The following KCNT1 variants were observed in gnomAD, a reference collection of about 807,000 sequenced individuals.
The protein encoded by KCNT1 is potassium channel subfamily T member 1.
A neutral mutation model predicts 147.8 loss-of-function variants in KCNT1; 78 were observed. That is an observed-to-expected ratio of 0.53 (90% CI 0.44 to 0.64). The LOEUF (loss-of-function observed/expected upper bound fraction) is 0.64. KCNT1 is among the 30% of genes least tolerant of loss of function. KCNT1 has a pLI of 0.00. For missense variants in KCNT1, 1,419 were observed against 1,750.3 expected, an observed-to-expected ratio of 0.81 and a Z score of 3.38; for synonymous variants, 867 against 748.8, an observed-to-expected ratio of 1.16 and a Z score of -2.58.
At chr9:135,738,806 G>A (rs1564333755) in intron 2 of KCNT1, among the ~76,000 whole-genome samples, 1 of 152,142 alleles carries the variant, frequency 6.6e-6, no homozygotes, top group Non-Finnish European at 1.5e-5. Flanking sequence ...CCCTGACCCT[G>A]AGCTCCGGGG....
intron 11 of KCNT1, 48 bp downstream of exon 11, chr9:135,759,907 G>A (rs751707855): frequency 2.6e-6 from 4 of 1,523,610 alleles, no homozygotes; most frequent in Non-Finnish European, 3.5e-6. Context: ...AAAGGGACAG[G>A]CGGGTGCCAG....
At chr9:135,778,523 G>A (rs755105369) in intron 22 of KCNT1, 28 bp downstream of exon 22, 2 of 1,600,336 alleles carry the variant, frequency 1.2e-6, no homozygotes, top group Non-Finnish European at 1.7e-6. Flanking sequence ...GAGGCTCGTG[G>A]GGGCTCCACA....
rs1471974281 is a variant in KCNT1 at position 135,732,036 on chromosome 9, A to AGAGAGAGGGAGAGAGAGAGG, written c.254+17321_254+17322insAGGGAGAGAGAGAGGGAGAG. ...GAGAGAGAGAGAGAGAGAGAGAGAGAGAGAGGGAGTCTCACTCTGTCATCC... is the reference window on the plus strand; with the variant it reads ...GAGAGAGAGAGAGAGAGAGAGAGAGAGAGAGAGGGAGAGAGAGAGGGAGAGGGAGTCTCACTCTGTCATCC... On this transcript the variant is annotated intron_variant, in intron 2 of 30. Coordinates refer to ENST00000371757, the MANE Select transcript of KCNT1 (RefSeq NM_020822.3). Among the ~76,000 whole-genome samples the AGAGAGAGGGAGAGAGAGAGG allele has an allele frequency of 2.1e-4, 29 of 137,294 alleles. 1 individual carries two copies. The highest frequency in any genetic ancestry group is 7.5e-4 in the South Asian group (3 of 4,026). 90.1% of individuals were successfully genotyped at this position (137,294 alleles called of 152,430 possible). A position where few individuals can be genotyped will look rare whatever the true frequency, so the allele number is the denominator to read the frequency against.
At chr9:135,759,419 G>A (rs1047223349) in intron 10 of KCNT1, among the ~76,000 whole-genome samples, 55 of 152,336 alleles carry the variant, frequency 3.6e-4, no homozygotes, top group African/African-American at 1.3e-3. Flanking sequence ...GGAATTCGCC[G>A]TGAACAGAGG....
At chr9:135,786,086 G>A (rs1332569231) in intron 28 of KCNT1, 111 bp from the exon 29 acceptor site, 29 of 945,524 alleles carry the variant, frequency 3.1e-5, no homozygotes, top group Admixed American at 2.0e-4. Flanking sequence ...CTGCTCCCAC[G>A]CAGGCCCCAA....
At chr9:135,715,090 A>C (rs1835670311) in intron 2 of KCNT1, among the ~76,000 whole-genome samples, 2 of 152,194 alleles carry the variant, frequency 1.3e-5, no homozygotes, top group African/African-American at 4.8e-5. Context: ...CGGAGCCCGC[A>C]GCCTGGCTGA....
chr9:135,789,647 CA>C (rs1361100647), intron 29 of KCNT1: 1 of 152,180 alleles, frequency 6.6e-6, no homozygotes, highest in African/African-American at 2.4e-5. Context: ...TGCCAAGAGC[CA>C]GGAGGTCTGG....
At chr9:135,750,560 C>T (rs556703639) in intron 3 of KCNT1, 18 of 444,674 alleles carry the variant, frequency 4.0e-5, no homozygotes, top group Non-Finnish European at 6.2e-5. Flanking sequence ...CTCCCTGCCC[C>T]GTTCCCAGCC....
intron 1 of KCNT1, among the ~76,000 whole-genome samples, chr9:135,706,657 C>T (rs1315438097): frequency 6.6e-6 from 1 of 152,216 alleles, no homozygotes; most frequent in African/African-American, 2.4e-5. Context: ...CTGTGACTCC[C>T]TCCAGGGGCC....
chr9:135,770,094 G>A (rs751167625), intron 16 of KCNT1, 39 bp downstream of exon 16: 39 of 1,512,964 alleles, frequency 2.6e-5, no homozygotes, highest in South Asian at 1.2e-4. Flanking sequence ...CCTCCATGGC[G>A]GGGCCGGCGC....
intron 1 of KCNT1, among the ~76,000 whole-genome samples, chr9:135,709,292 T>G (rs558274792): frequency 6.6e-6 from 1 of 152,236 alleles, no homozygotes; most frequent in East Asian, 1.9e-4. Context: ...CACAGAGACC[T>G]GTGCCTTCAC....
chr9:135,783,152 T>C (rs921257965), intron 24 of KCNT1, among the ~76,000 whole-genome samples: 3 of 152,066 alleles, frequency 2.0e-5, no homozygotes, highest in Middle Eastern at 3.2e-3. Context: ...CCGGAGCCCG[T>C]GGATGTACCG....
intron 19 of KCNT1, among the ~76,000 whole-genome samples, chr9:135,774,221 CTG>C (rs1338104373): frequency 3.0e-5 from 4 of 135,450 alleles, no homozygotes; most frequent in Non-Finnish European, 4.7e-5. Context: ...TATGTGGTGT[CTG>C]TGTGTTGTGT....
At chr9:135,770,800 G>C in intron 17 of KCNT1, 57 bp from the exon 18 acceptor site, 1 of 1,444,994 alleles carries the variant, frequency 6.9e-7, no homozygotes, top group Non-Finnish European at 9.4e-7. Context: ...GGGCAGGCAG[G>C]GAGCGGGACA....
intron 9 of KCNT1, 121 bp from the exon 10 acceptor site, chr9:135,758,293 C>T (rs1588326544): frequency 1.3e-6 from 1 of 741,610 alleles, no homozygotes; most frequent in East Asian, 2.6e-5. Context: ...CCCCGTGGGC[C>T]TCAGCCGAGA....
chr9:135,726,722 A>C (rs182536049), intron 2 of KCNT1, among the ~76,000 whole-genome samples: 896 of 57,534 alleles, frequency 0.016, no homozygotes, highest in East Asian at 0.019. Context: ...TCTCTCTCTC[A>C]CTCTCTACCT....
At chr9:135,769,054 G>A in intron 15 of KCNT1, 117 bp downstream of exon 15, 1 of 803,154 alleles carries the variant, frequency 1.2e-6, no homozygotes, top group Non-Finnish European at 2.0e-6. Flanking sequence ...TGCGTCTGGG[G>A]CAGGACGCGT....
chr9:135,743,945 C>T (rs1458560314), intron 2 of KCNT1, among the ~76,000 whole-genome samples: 2 of 152,244 alleles, frequency 1.3e-5, no homozygotes, highest in Non-Finnish European at 2.9e-5. Flanking sequence ...GAATAGCTGG[C>T]CCCAGGGTTG....
At chr9:135,746,279 C>T (rs1013399137) in intron 2 of KCNT1, among the ~76,000 whole-genome samples, 9 of 152,190 alleles carry the variant, frequency 5.9e-5, no homozygotes, top group African/African-American at 1.4e-4. Context: ...GGGCACTCCC[C>T]GCTGAGCTCC....
Sources: allele counts gnomAD v4.1 joint callset (sites outside exome capture counted in the v4.1 genomes callset), GRCh38; gene constraint gnomAD v4.1.1; transcripts MANE v1.5; gene names NCBI Gene and HGNC (gene_info 2026-07-23, HGNC 2026-07-21).